BTAF1: variants seen among roughly 807,000 people sequenced by gnomAD.
The protein encoded by BTAF1 is TATA-binding protein-associated factor 172.
A neutral mutation model predicts 227.1 loss-of-function variants in BTAF1; 38 were observed. The observed-to-expected ratio is 0.17, with a 90% CI of 0.13 to 0.22. BTAF1 has a LOEUF of 0.22. BTAF1 is among the 10% of genes least tolerant of loss of function. BTAF1 has a pLI of 1.00. For missense variants in BTAF1, 1,598 were observed against 2,204.0 expected (o/e 0.73, Z 5.51); for synonymous variants, 742 against 751.9 (o/e 0.99, Z 0.21).
At chr10:91,937,625 T>TA (rs1190399704) in intron 2 of BTAF1, among the ~76,000 whole-genome samples, 5 of 152,234 alleles carry the variant, frequency 3.3e-5, no homozygotes, top group African/African-American at 4.8e-5. Flanking sequence ...TATTCATTCT[T>TA]ATTGCCAAAT....
At chr10:91,949,458 T>G (rs1407258920) in intron 4 of BTAF1, among the ~76,000 whole-genome samples, 2 of 152,264 alleles carry the variant, frequency 1.3e-5, no homozygotes, top group African/African-American at 4.8e-5. Context: ...TTCTGCACAT[T>G]ATGAACGTTA....
chr10:92,018,652 A>G (rs186651415), intron 33 of BTAF1, 131 bp from the exon 34 acceptor site: 119 of 748,274 alleles, frequency 1.6e-4, no homozygotes, highest in Non-Finnish European at 2.1e-4. Flanking sequence ...AATGAGTAGA[A>G]GTTTGCCGAG....
chr10:91,966,509 T>C, intron 13 of BTAF1, 128 bp from the exon 14 acceptor site: 1 of 914,058 alleles, frequency 1.1e-6, no homozygotes, highest in South Asian at 1.8e-5. Context: ...GTATTATCTT[T>C]TAAGAATTTA....
At chr10:91,995,259 C>T (rs1385781810) in intron 23 of BTAF1, among the ~76,000 whole-genome samples, 1 of 151,754 alleles carries the variant, frequency 6.6e-6, no homozygotes, top group African/African-American at 2.4e-5. Flanking sequence ...GCCCAGTTCT[C>T]TATTGTTATT....
chr10:92,004,223 T>A (rs527737744), intron 25 of BTAF1, among the ~76,000 whole-genome samples: 143 of 152,332 alleles, frequency 9.4e-4, no homozygotes, highest in Non-Finnish European at 1.5e-3. Context: ...TACAGAAAGC[T>A]TTTTAGTTTG....
rs142849095 is a variant in BTAF1 at position 91,936,103 on chromosome 10, G to A, written c.138+323G>A. The stretch of plus-strand genomic sequence containing the variant: ...ATATCATAGTTGGTAGTCTTCAAAT[G>A]GATGAGTACTCATGGGCAATGATTG... On this transcript the variant is annotated intron_variant, in intron 2 of 37. Coordinates refer to ENST00000265990, the MANE Select transcript of BTAF1 (RefSeq NM_003972.3). 1.2e-4 allele frequency among the ~76,000 whole-genome samples: 19 copies of A among 152,112 alleles called. No individual in the cohort carries two copies. In the East Asian group the frequency reaches 2.5e-3, roughly 20 times the overall value.
chr10:91,986,190 C>T (rs982602464), intron 19 of BTAF1, among the ~76,000 whole-genome samples: 3 of 152,104 alleles, frequency 2.0e-5, no homozygotes, highest in Non-Finnish European at 1.5e-5. Flanking sequence ...ATTTTTCCAG[C>T]ATTATTTATT....
At chr10:91,969,809 C>G (rs1847165940) in intron 14 of BTAF1, among the ~76,000 whole-genome samples, 1 of 151,924 alleles carries the variant, frequency 6.6e-6, no homozygotes, top group Non-Finnish European at 1.5e-5. Context: ...ACTAAAAATA[C>G]CAAAATTAGC....
At chr10:91,956,715 A>C (rs1332736518) in intron 7 of BTAF1, 58 bp downstream of exon 7, 7 of 1,553,848 alleles carry the variant, frequency 4.5e-6, no homozygotes, top group African/African-American at 1.4e-5. Flanking sequence ...TTGGGCCAGC[A>C]GCGGTGGCTC....
intron 17 of BTAF1, 163 bp downstream of exon 17, chr10:91,982,388 T>A (rs1848128184): frequency 9.4e-7 from 1 of 1,061,636 alleles, no homozygotes. Flanking sequence ...TACTTCTAAT[T>A]ATTTTAAAGC....
chr10:91,935,880 C>A, intron 2 of BTAF1, 100 bp downstream of exon 2: 32 of 1,065,342 alleles, frequency 3.0e-5, no homozygotes, highest in Middle Eastern at 2.4e-4. Context: ...AATTTTTAAA[C>A]ATTTTTGCTA....
chr10:91,981,969 T>A (rs1848093394), intron 16 of BTAF1, 114 bp from the exon 17 acceptor site: 1 of 1,387,326 alleles, frequency 7.2e-7, no homozygotes, highest in African/African-American at 1.5e-5. Context: ...CATTAAAATT[T>A]TGTGAAAAGA....
intron 9 of BTAF1, 125 bp downstream of exon 9, chr10:91,959,279 A>G (rs987456386): frequency 2.0e-6 from 3 of 1,504,566 alleles, no homozygotes; most frequent in African/African-American, 2.8e-5. Context: ...AGAGATATGA[A>G]AAGGTAAATA....
rs1382410040 is a variant in BTAF1, at chr10:91,993,756, G to A, written c.3108G>A (p.Lys1036=). Residue 1036 remains lysine, a synonymous_variant, in exon 22 of 38, where the codon AAG becomes AAA. Transcript: ENST00000265990. ...AATTTGCTTTGACAACTATAGTAAA[G>A]CATTTTGGTGGTGAAATGGCAGTGA... ...GAEFALTTIV[K]HFGGEMAVKL... 6.2e-7 allele frequency: 1 copy of A among 1,606,394 alleles called. No individual in the cohort carries two copies. Among genetic ancestry groups the A allele is most frequent in the Non-Finnish European group, 8.5e-7 (1 of 1,175,406 alleles).
At chr10:92,020,121 T>C (rs1648793053) in intron 34 of BTAF1, among the ~76,000 whole-genome samples, 1 of 152,140 alleles carries the variant, frequency 6.6e-6, no homozygotes, top group African/African-American at 2.4e-5. Flanking sequence ...TTCTTGATAA[T>C]GTCTTCCATG....
intron 5 of BTAF1, among the ~76,000 whole-genome samples, chr10:91,952,327 CTCT>C (rs1301973755): frequency 6.6e-6 from 1 of 152,146 alleles, no homozygotes; most frequent in Non-Finnish European, 1.5e-5. Flanking sequence ...TCTTTTCTTC[CTCT>C]TCCTCTATTC....
At position 91,997,764 on chromosome 10, in the gene BTAF1, T is replaced by C. The variant is rs1849238851; in HGVS notation, c.3660+13T>C. The C allele has an allele frequency of 2.5e-6, 4 of 1,610,848 alleles. No individual in the cohort carries two copies. In the African/African-American group the frequency reaches 5.3e-5, roughly 22 times the overall value. On this transcript the variant is annotated intron_variant, in intron 25 of 37. Transcript: ENST00000265990. ...CATGCCACTTGAGGTAAGTCAAAGA[T>C]ACTTGCTTTAAAGACATAATGTTTT...
At chr10:91,981,524 T>G in intron 15 of BTAF1, 119 bp from the exon 16 acceptor site, 2 of 1,083,562 alleles carry the variant, frequency 1.8e-6, no homozygotes, top group Non-Finnish European at 2.5e-6. Flanking sequence ...ATATTGAATT[T>G]CTAAATTAAT....
chr10:91,935,064 T>C (rs1242358711), intron 1 of BTAF1: 1 of 152,248 alleles, frequency 6.6e-6, no homozygotes, highest in Non-Finnish European at 1.5e-5. Flanking sequence ...TAGGCATCTC[T>C]TGTAGTCCTA....
Sources: allele counts gnomAD v4.1 joint callset (sites outside exome capture counted in the v4.1 genomes callset), GRCh38; gene constraint gnomAD v4.1.1; transcripts MANE v1.5; gene names NCBI Gene and HGNC (gene_info 2026-07-23, HGNC 2026-07-21).